NRXN1: variants seen among roughly 807,000 people sequenced by gnomAD.
NRXN1 encodes neurexin-1.
NRXN1 carries 39 observed loss-of-function variants against 150.9 expected under a neutral mutation model. The ratio of observed to expected loss-of-function variants is 0.26; its 90% CI spans 0.20 to 0.34. The LOEUF is 0.34. Among genes scored for constraint, NRXN1 ranks in the 10% least tolerant of loss-of-function variants. The probability of loss-of-function intolerance (pLI) is 1.00; values close to 1 mark genes in which losing one functional copy is unlikely to be tolerated. For synonymous variants in NRXN1, 924 were observed against 757.0 expected (o/e 1.22, Z -3.62); for missense variants, 1,815 against 1,949.9 (o/e 0.93, Z 1.30).
At chr2:50,709,005 T>G (rs770285693) in intron 5 of NRXN1, among the ~76,000 whole-genome samples, 1 of 152,082 alleles carries the variant, frequency 6.6e-6, no homozygotes, top group Non-Finnish European at 1.5e-5. Context: ...TGCCTGCTGA[T>G]TTCTAACAGG....
intron 21 of NRXN1, among the ~76,000 whole-genome samples, chr2:49,960,032 C>T (rs1009193515): frequency 6.6e-6 from 1 of 152,148 alleles, no homozygotes; most frequent in African/African-American, 2.4e-5. Flanking sequence ...AAACACAGTC[C>T]CAACCATTCC....
Position 50,679,631 on chromosome 2 carries a change from T to C in NRXN1, c.833-56016A>G, listed in dbSNP as rs1197830030. On this transcript the variant is annotated intron_variant, in intron 5 of 22. Coordinates refer to ENST00000401669, the MANE Select transcript of NRXN1 (RefSeq NM_001330078.2). Reference sequence around the variant, plus strand: ...GACCCTGCAAAATAAATTCCCTTACTGGACTTACAAAAACCTCACAAAAAT... The same window carrying C: ...GACCCTGCAAAATAAATTCCCTTACCGGACTTACAAAAACCTCACAAAAAT... 3.9e-5 allele frequency among the ~76,000 whole-genome samples: 6 copies of C among 152,248 alleles called. No homozygotes were observed. In the East Asian group the frequency reaches 1.2e-3, roughly 29 times the overall value.
intron 2 of NRXN1, among the ~76,000 whole-genome samples, chr2:50,995,901 AG>A (rs2105034329): frequency 6.6e-6 from 1 of 152,194 alleles, no homozygotes; most frequent in African/African-American, 2.4e-5. Context: ...CAGGGTAGGG[AG>A]GGATCTTAAA....
chr2:50,815,587 T>C (rs997216634), intron 5 of NRXN1, among the ~76,000 whole-genome samples: 6 of 152,138 alleles, frequency 3.9e-5, no homozygotes, highest in Admixed American at 2.6e-4. Flanking sequence ...AGAAGAGGTA[T>C]TGTAAAATGA....
chr2:50,873,109 CT>C (rs1298958125), intron 5 of NRXN1, among the ~76,000 whole-genome samples: 1 of 151,850 alleles, frequency 6.6e-6, no homozygotes, highest in African/African-American at 2.4e-5. Context: ...CATTCAGTAG[CT>C]ATTGGGTCAT....
At chr2:50,519,446 C>A (rs1001606565) in intron 12 of NRXN1, among the ~76,000 whole-genome samples, 7 of 151,934 alleles carry the variant, frequency 4.6e-5, no homozygotes, top group African/African-American at 1.7e-4. Context: ...GAATGGCTCA[C>A]CTTATGCTCC....
At chr2:50,434,447 G>T (rs919500421) in intron 17 of NRXN1, among the ~76,000 whole-genome samples, 1 of 151,976 alleles carries the variant, frequency 6.6e-6, no homozygotes, top group African/African-American at 2.4e-5. Flanking sequence ...AGAAACAAAT[G>T]AATAAACTAC....
At chr2:50,321,419 T>C (rs144811726) in intron 17 of NRXN1, among the ~76,000 whole-genome samples, 1 of 152,290 alleles carries the variant, frequency 6.6e-6, no homozygotes, top group Non-Finnish European at 1.5e-5. Flanking sequence ...TAAACTGCAG[T>C]TCGTGTCTAA....
chr2:50,835,234 A>G (rs1559330850), intron 5 of NRXN1, among the ~76,000 whole-genome samples: 2 of 152,176 alleles, frequency 1.3e-5, no homozygotes, highest in Admixed American at 6.5e-5. Context: ...AAAAAAATTT[A>G]AACTCCTAAG....
intron 17 of NRXN1, among the ~76,000 whole-genome samples, chr2:50,413,446 G>C (rs1360306857): frequency 6.6e-6 from 1 of 152,058 alleles, no homozygotes; most frequent in African/African-American, 2.4e-5. Flanking sequence ...GATCATCGGA[G>C]AAATGGGAGA....
intron 17 of NRXN1, among the ~76,000 whole-genome samples, chr2:50,368,628 G>A (rs2079779650): frequency 6.6e-6 from 1 of 151,938 alleles, no homozygotes. Flanking sequence ...ATGGTTATAA[G>A]AGCCATATTC....
At chr2:50,959,471 T>G (rs1248940419) in intron 2 of NRXN1, among the ~76,000 whole-genome samples, 3 of 152,034 alleles carry the variant, frequency 2.0e-5, no homozygotes, top group Non-Finnish European at 2.9e-5. Flanking sequence ...TAGGACATTA[T>G]GCTAAGTAAA....
chr2:50,332,994 C>A (rs911690742), intron 17 of NRXN1, among the ~76,000 whole-genome samples: 2 of 152,196 alleles, frequency 1.3e-5, no homozygotes, highest in Non-Finnish European at 2.9e-5. Context: ...ACACCAACAA[C>A]CTCTACCTTT....
intron 13 of NRXN1, among the ~76,000 whole-genome samples, chr2:50,505,098 G>A (rs544557229): frequency 6.6e-6 from 1 of 152,108 alleles, no homozygotes; most frequent in Admixed American, 6.6e-5. Flanking sequence ...TGTTTTATAT[G>A]TATGTATGTA....
rs1017574781 is a variant in NRXN1, at chr2:50,555,841, T to G, written c.1321-2816A>C. Among the ~76,000 whole-genome samples, 34 of 152,188 alleles carry G rather than the reference T, an allele frequency of 2.2e-4. 1 individual carries two copies. The highest frequency in any genetic ancestry group is 1.2e-4 in the Non-Finnish European group (8 of 68,016). On this transcript the variant is annotated intron_variant, in intron 8 of 22. Coordinates refer to ENST00000401669, the MANE Select transcript of NRXN1 (RefSeq NM_001330078.2). ...GCATATCCAGTTCATAATTGACAAG[T>G]TGGCCCATGCATTGGGAAATTTCAT... is the stretch of plus-strand genomic sequence containing the variant.
chr2:50,477,367 G>A (rs528411178), intron 15 of NRXN1, among the ~76,000 whole-genome samples: 14 of 152,296 alleles, frequency 9.2e-5, no homozygotes, highest in East Asian at 5.8e-4. Flanking sequence ...TGCATTTAAC[G>A]TCATGTATGT....
intron 5 of NRXN1, among the ~76,000 whole-genome samples, chr2:50,717,225 G>T (rs1270010053): frequency 6.6e-6 from 1 of 152,118 alleles, no homozygotes; most frequent in African/African-American, 2.4e-5. Flanking sequence ...TGGATTAAAT[G>T]ACATTTATTC....
chr2:50,714,753 C>G (rs1695645110), intron 5 of NRXN1, among the ~76,000 whole-genome samples: 1 of 152,066 alleles, frequency 6.6e-6, no homozygotes, highest in Non-Finnish European at 1.5e-5. Context: ...TGGAAACAGG[C>G]TGCAATTGTG....
intron 8 of NRXN1, among the ~76,000 whole-genome samples, chr2:50,591,433 TAG>T (rs1480927818): frequency 6.6e-6 from 1 of 150,760 alleles, no homozygotes; most frequent in Non-Finnish European, 1.5e-5. Context: ...GATAGATAGA[TAG>T]ATAGATGTAT....
Sources: gnomAD v4.1 joint callset for allele counts (sites outside exome capture counted in the v4.1 genomes callset) on GRCh38, gnomAD v4.1.1 for gene constraint, MANE v1.5 for transcripts, NCBI Gene and HGNC (gene_info 2026-07-23, HGNC 2026-07-21) for gene names.